The following AHR variants were observed in gnomAD, a reference collection of about 807,000 sequenced individuals.
The protein encoded by AHR is AH-receptor.
A neutral mutation model predicts 86.8 loss-of-function variants in AHR; 40 were observed. The observed-to-expected ratio is 0.46, with a 90% CI of 0.36 to 0.60. The LOEUF (loss-of-function observed/expected upper bound fraction) is 0.60. AHR is among the 20% of genes least tolerant of loss of function. The pLI, the probability that AHR is intolerant of heterozygous loss-of-function variation, is 0.00. For missense variants in AHR, 1,001 were observed against 1,011.6 expected (o/e 0.99, Z 0.14); for synonymous variants, 398 against 354.9 (o/e 1.12, Z -1.37).
At chr7:17,326,556 G>T (rs999769145) in intron 3 of AHR, among the ~76,000 whole-genome samples, 2 of 152,018 alleles carry the variant, frequency 1.3e-5, no homozygotes, top group Non-Finnish European at 2.9e-5. Flanking sequence ...ATCTTTATTT[G>T]CTCATTTCTA....
Position 17,322,516 on chromosome 7 carries a change from C to T in AHR, c.269C>T (p.Ser90Phe), listed in dbSNP as rs774992729. 5.6e-6 allele frequency: 9 copies of T among 1,610,180 alleles called. No individual in the cohort carries two copies. Among genetic ancestry groups the T allele is most frequent in the African/African-American group, 2.7e-5 (2 of 74,760 alleles). ...KSFFDVALKS[S>F]PTERNGGQDN... Reference sequence around the variant, plus strand: ...TTTTCCATAGTTGCATTAAAATCCTCCCCTACTGAAAGAAACGGAGGCCAG... The same window carrying T: ...TTTTCCATAGTTGCATTAAAATCCTTCCCTACTGAAAGAAACGGAGGCCAG... Residue 90 changes from serine to phenylalanine, a missense_variant, in exon 3 of 11, where the codon TCC (serine) becomes TTC (phenylalanine). Ser to Phe is a radical substitution (Grantham distance 155). This residue lies in a region of AHR where 394 missense variants were observed against 468.5 expected (regional missense o/e 0.84). Transcript: ENST00000242057.
At chr7:17,340,768 A>G (rs1456566082) in intron 10 of AHR, among the ~76,000 whole-genome samples, 14 of 152,064 alleles carry the variant, frequency 9.2e-5, no homozygotes, top group Admixed American at 9.2e-4. Context: ...AGGCACCTCC[A>G]TGTTCTCTAG....
Position 17,339,724 on chromosome 7 carries a change from G to A in AHR, c.1899G>A (p.Glu633=), listed in dbSNP as rs1782398197. The A allele has an allele frequency of 1.2e-6, 2 of 1,614,154 alleles. No homozygotes were observed. The highest frequency in any genetic ancestry group is 1.7e-6 in the Non-Finnish European group (2 of 1,180,028). Residue 633 remains glutamate, a synonymous_variant, in exon 10 of 11, where the codon GAG becomes GAA. Transcript: ENST00000242057. Reference sequence around the variant, plus strand: ...ATCACCAAAAGCAAGTAGTAGTGGAGCCACAGCAACAGCTGTGTCAGAAGA... The same window carrying A: ...ATCACCAAAAGCAAGTAGTAGTGGAACCACAGCAACAGCTGTGTCAGAAGA... ...QQHHQKQVVV[E]PQQQLCQKMK...
At chr7:17,322,443 T>C (rs1002107456) in intron 2 of AHR, 58 bp from the exon 3 acceptor site, 6 of 1,134,806 alleles carry the variant, frequency 5.3e-6, no homozygotes, top group East Asian at 2.5e-5. Context: ...AAGTTTTCTA[T>C]TATAGCTCTT....
intron 1 of AHR, among the ~76,000 whole-genome samples, chr7:17,308,327 T>C (rs1782026317): frequency 6.6e-6 from 1 of 152,168 alleles, no homozygotes; most frequent in Non-Finnish European, 1.5e-5. Context: ...AAGATCCATC[T>C]CAGATACCAC....
intron 2 of AHR, among the ~76,000 whole-genome samples, chr7:17,312,660 A>C (rs1462620380): frequency 6.6e-6 from 1 of 152,154 alleles, no homozygotes; most frequent in Non-Finnish European, 1.5e-5. Flanking sequence ...CTTTTTTCTC[A>C]GCTCTTCATT....
chr7:17,340,682 T>C (rs1782412144), intron 10 of AHR, among the ~76,000 whole-genome samples: 1 of 152,218 alleles, frequency 6.6e-6, no homozygotes, highest in Non-Finnish European at 1.5e-5. Context: ...GAAATTGAGT[T>C]AAACTCAAAT....
intron 3 of AHR, among the ~76,000 whole-genome samples, chr7:17,323,225 A>G (rs1782192905): frequency 6.6e-6 from 1 of 152,126 alleles, no homozygotes; most frequent in Non-Finnish European, 1.5e-5. Flanking sequence ...TGTTGAATTT[A>G]TATATATTTT....
At chr7:17,299,649 A>G (rs1781934552) in intron 1 of AHR, among the ~76,000 whole-genome samples, 1 of 152,200 alleles carries the variant, frequency 6.6e-6, no homozygotes, top group South Asian at 2.1e-4. Flanking sequence ...GCCTTGGGCT[A>G]ATGGATTAGT....
chr7:17,299,408 C>G, intron 1 of AHR, 79 bp downstream of exon 1: 1 of 1,500,186 alleles, frequency 6.7e-7, no homozygotes, highest in Middle Eastern at 1.7e-4. Flanking sequence ...CCACCCCGCC[C>G]CCAAATCCCT....
intron 4 of AHR, chr7:17,329,722 A>G (rs1782265944): frequency 3.2e-6 from 1 of 312,658 alleles, no homozygotes; most frequent in Non-Finnish European, 5.9e-6. Flanking sequence ...AAGAGCATTC[A>G]TGTTGGGAAC....
chr7:17,331,172 A>G (rs564727078), intron 6 of AHR, among the ~76,000 whole-genome samples: 1 of 151,986 alleles, frequency 6.6e-6, no homozygotes, highest in African/African-American at 2.4e-5. Context: ...AGACTCAGCT[A>G]TTTGGTTACA....
intron 5 of AHR, 44 bp from the exon 6 acceptor site, chr7:17,330,712 C>T (rs1376684815): frequency 2.0e-6 from 3 of 1,504,526 alleles, no homozygotes; most frequent in Non-Finnish European, 2.7e-6. Flanking sequence ...CTTAATTTTA[C>T]AGCAAAATGG....
At chr7:17,325,612 C>A (rs986182189) in intron 3 of AHR, among the ~76,000 whole-genome samples, 2 of 152,140 alleles carry the variant, frequency 1.3e-5, no homozygotes, top group Admixed American at 1.3e-4. Flanking sequence ...TATTTGCAGT[C>A]AAAAACCTGA....
At chr7:17,337,514 G>A (rs1312053181) in intron 9 of AHR, among the ~76,000 whole-genome samples, 4 of 140,396 alleles carry the variant, frequency 2.8e-5, no homozygotes, top group African/African-American at 8.0e-5. Flanking sequence ...TCGCTCTGTC[G>A]CCCAGGCTGG....
At chr7:17,318,066 T>A (rs958774121) in intron 2 of AHR, among the ~76,000 whole-genome samples, 1 of 152,098 alleles carries the variant, frequency 6.6e-6, no homozygotes, top group Non-Finnish European at 1.5e-5. Context: ...GTAAAGGGGA[T>A]GGTAAATATT....
At chr7:17,322,790 A>G (rs939222221) in intron 3 of AHR, among the ~76,000 whole-genome samples, 183 bp downstream of exon 3, 2 of 152,118 alleles carry the variant, frequency 1.3e-5, no homozygotes, top group African/African-American at 2.4e-5. Context: ...GTCATGCACC[A>G]TATAATGATG....
intron 6 of AHR, 145 bp downstream of exon 6, chr7:17,331,031 C>CT: frequency 1.2e-6 from 1 of 815,496 alleles, no homozygotes; most frequent in Non-Finnish European, 1.8e-6. Flanking sequence ...AGAGAGCTCA[C>CT]TTAAAAACAT....
chr7:17,343,867 T>A lies in AHR; in HGVS notation c.*803T>A, dbSNP rs1782454514. On this transcript the variant is annotated 3_prime_UTR_variant, in exon 11 of 11. Transcript: ENST00000242057. ...TAGACTATAAATGTTGCTATGTGCC[T>A]TATGTTGAAAAAATTTAAAAGTAAA... 6.6e-6 allele frequency: 1 copy of A among 152,570 alleles called. No homozygotes were observed. The highest frequency in any genetic ancestry group is 1.5e-5 in the Non-Finnish European group (1 of 67,990). The allele number at this position is 152,570 out of a possible 1,614,324, so 9.5% of individuals were successfully genotyped here.
Sources: allele counts gnomAD v4.1 joint callset (sites outside exome capture counted in the v4.1 genomes callset), GRCh38; gene constraint gnomAD v4.1.1; regional missense constraint gnomAD v4.1.1; transcripts MANE v1.5; gene names NCBI Gene and HGNC (gene_info 2026-07-23, HGNC 2026-07-21).